The following FTO variants were observed in gnomAD, a reference collection of about 807,000 sequenced individuals.
FTO encodes alpha-ketoglutarate-dependent dioxygenase FTO.
FTO carries 47 observed loss-of-function variants against 63.9 expected under a neutral mutation model. The ratio of observed to expected loss-of-function variants is 0.74; its 90% CI spans 0.58 to 0.94. FTO has a LOEUF of 0.94. Among genes scored for constraint, FTO ranks in the 40% least tolerant of loss-of-function variants. FTO has a pLI of 0.00. For synonymous variants in FTO, 207 were observed against 224.4 expected (o/e 0.92, Z 0.69); for missense variants, 562 against 618.1 (o/e 0.91, Z 0.96).
rs371906409 is a variant in FTO at position 53,934,001 on chromosome 16, A to G, written c.1256A>G (p.His419Arg). ...TTCTTGTAGACAAATGCTGTGCTTCATGAAGTTAAAAGAGAGGGGCTCCCC... is the reference window on the plus strand; with the variant it reads ...TTCTTGTAGACAAATGCTGTGCTTCGTGAAGTTAAAAGAGAGGGGCTCCCC... ...KMEGVTNAVLHEVKREGLPVE... is the reference protein window; with the variant it reads ...KMEGVTNAVLREVKREGLPVE... The change falls in exon 8 of 9, where the codon CAT (histidine) becomes CGT (arginine). Residue 419 changes from histidine (H) to arginine (R), a missense_variant. Transcript: ENST00000471389. 2.5e-6 allele frequency: 4 copies of G among 1,613,688 alleles called. No homozygotes were observed. Among genetic ancestry groups the G allele is most frequent in the East Asian group, 2.2e-5 (1 of 44,876 alleles).
chr16:53,974,656 C>T (rs113676024), intron 8 of FTO, among the ~76,000 whole-genome samples: 17 of 152,308 alleles, frequency 1.1e-4, no homozygotes, highest in African/African-American at 2.4e-4. Context: ...CTTTGTCACA[C>T]GCACTCACTG....
intron 7 of FTO, among the ~76,000 whole-genome samples, chr16:53,899,704 T>G (rs974587856): frequency 2.0e-5 from 3 of 152,118 alleles, no homozygotes. Context: ...CAGTACAGCT[T>G]GGAACCAAGA....
chr16:54,036,648 G>A (rs1056416139), intron 8 of FTO, among the ~76,000 whole-genome samples: 1 of 152,240 alleles, frequency 6.6e-6, no homozygotes, highest in Non-Finnish European at 1.5e-5. Flanking sequence ...CTAAGCAGGA[G>A]TCTGTGGATT....
intron 7 of FTO, among the ~76,000 whole-genome samples, chr16:53,901,684 C>T (rs1457842782): frequency 6.6e-6 from 1 of 152,148 alleles, no homozygotes; most frequent in Admixed American, 6.5e-5. Flanking sequence ...ATGTTCAGAA[C>T]GTAAATGGCC....
At chr16:53,834,970 C>G (rs2079249823) in intron 3 of FTO, among the ~76,000 whole-genome samples, 1 of 152,108 alleles carries the variant, frequency 6.6e-6, no homozygotes, top group Non-Finnish European at 1.5e-5. Context: ...TTATAGTTAT[C>G]ATATATATAC....
rs1336186200 is a variant in FTO at position 53,750,791 on chromosome 16, T to C, written c.45+46562T>C. ...TTTTATTAATCTCTGTGTCTTTCAG[T>C]CTAGCATGGTACATGGCAACACAGT... On this transcript the variant is annotated intron_variant, in intron 1 of 8. Coordinates refer to ENST00000471389, the MANE Select transcript of FTO (RefSeq NM_001080432.3). Among the ~76,000 whole-genome samples the C allele has an allele frequency of 3.3e-5, 5 of 152,196 alleles. 1 individual carries two copies. The East Asian group carries it at 9.6e-4, about 29-fold the overall frequency.
chr16:53,999,447 C>T (rs1405576101), intron 8 of FTO, among the ~76,000 whole-genome samples: 1 of 152,168 alleles, frequency 6.6e-6, no homozygotes, highest in Non-Finnish European at 1.5e-5. Flanking sequence ...TGTAACTCAT[C>T]TCTCCCAGCT....
intron 2 of FTO, chr16:53,814,687 C>A (rs1461008844): frequency 2.0e-5 from 3 of 152,660 alleles, no homozygotes; most frequent in African/African-American, 7.2e-5. Flanking sequence ...ACCTCTGTCC[C>A]CATCCCAGCT....
chr16:53,947,046 T>C (rs568526853), intron 8 of FTO, among the ~76,000 whole-genome samples: 1 of 152,360 alleles, frequency 6.6e-6, no homozygotes, highest in Non-Finnish European at 1.5e-5. Context: ...TCATAAATTA[T>C]CTTGAAGGTA....
chr16:54,028,413 C>T (rs1317726220), intron 8 of FTO, among the ~76,000 whole-genome samples: 1 of 152,142 alleles, frequency 6.6e-6, no homozygotes, highest in Non-Finnish European at 1.5e-5. Flanking sequence ...ATGTAATGAA[C>T]AGATTTGGTA....
intron 8 of FTO, among the ~76,000 whole-genome samples, chr16:54,086,976 T>C (rs1410478758): frequency 6.6e-6 from 1 of 152,160 alleles, no homozygotes; most frequent in Non-Finnish European, 1.5e-5. Flanking sequence ...GCCATTGCTT[T>C]CTCTTGGACT....
intron 8 of FTO, among the ~76,000 whole-genome samples, chr16:53,989,054 AG>A (rs1480987932): frequency 3.9e-5 from 6 of 152,076 alleles, no homozygotes; most frequent in Admixed American, 3.3e-4. Context: ...TGGTAAGTAA[AG>A]GGGTATGGCT....
chr16:53,967,985 T>C (rs1567481922), intron 8 of FTO, among the ~76,000 whole-genome samples: 1 of 152,222 alleles, frequency 6.6e-6, no homozygotes, highest in Admixed American at 6.5e-5. Flanking sequence ...GAAATTATCA[T>C]TTAATTAATT....
In FTO at chr16:54,121,509, G is replaced by C. The variant is rs115457723; in HGVS notation, c.*9594G>C. 6.6e-6 allele frequency: 1 copy of C among 152,314 alleles called. No homozygotes were observed. The highest frequency in any genetic ancestry group is 2.1e-4 in the South Asian group (1 of 4,826). 9.4% of individuals were successfully genotyped at this position (152,314 alleles called of 1,614,324 possible). On this transcript the variant is annotated 3_prime_UTR_variant, in exon 9 of 9. Transcript: ENST00000471389. ...GAAAGCCTTCCCACGGGGATGGAGAGCCACCTCCTCCCCGGCTTTCTGGTT... is the reference window on the plus strand; with the variant it reads ...GAAAGCCTTCCCACGGGGATGGAGACCCACCTCCTCCCCGGCTTTCTGGTT...
chr16:53,977,277 G>A (rs1450860984), intron 8 of FTO, among the ~76,000 whole-genome samples: 1 of 151,942 alleles, frequency 6.6e-6, no homozygotes, highest in Non-Finnish European at 1.5e-5. Flanking sequence ...CTTTAAATGT[G>A]GCCTATTACA....
At chr16:53,800,017 T>C (rs1313444722) in intron 1 of FTO, among the ~76,000 whole-genome samples, 1 of 152,026 alleles carries the variant, frequency 6.6e-6, no homozygotes, top group Non-Finnish European at 1.5e-5. Context: ...TTGATTTCTG[T>C]TGTGGTCTTT....
At chr16:53,895,157 A>T (rs532373942) in intron 7 of FTO, among the ~76,000 whole-genome samples, 1 of 152,114 alleles carries the variant, frequency 6.6e-6, no homozygotes, top group Non-Finnish European at 1.5e-5. Context: ...AAAGTAAAAC[A>T]TCTGGGGAGA....
chr16:54,109,611 G>A (rs2086831073), intron 8 of FTO, among the ~76,000 whole-genome samples: 1 of 152,196 alleles, frequency 6.6e-6, no homozygotes, highest in Non-Finnish European at 1.5e-5. Context: ...GGGATTACAG[G>A]TGTGAGCCAC....
intron 8 of FTO, among the ~76,000 whole-genome samples, chr16:53,970,768 G>A (rs970282137): frequency 2.0e-5 from 3 of 152,150 alleles, no homozygotes; most frequent in Non-Finnish European, 4.4e-5. Context: ...GGTGAAAGCC[G>A]CCAGTGTGAC....
Sources: gnomAD v4.1 joint callset for allele counts (sites outside exome capture counted in the v4.1 genomes callset) on GRCh38, gnomAD v4.1.1 for gene constraint, MANE v1.5 for transcripts, NCBI Gene and HGNC (gene_info 2026-07-23, HGNC 2026-07-21) for gene names.